AMMECR1: variants seen among roughly 807,000 people sequenced by gnomAD.
The protein encoded by AMMECR1 is nuclear protein AMMECR1.
A neutral mutation model predicts 22.5 loss-of-function variants in AMMECR1; 3 were observed. That is an observed-to-expected ratio of 0.13 (90% CI 0.06 to 0.35). AMMECR1 has a LOEUF of 0.35. Among genes scored for constraint, AMMECR1 ranks in the 10% least tolerant of loss-of-function variants. The pLI is 1.00. For synonymous variants in AMMECR1, 130 were observed against 116.7 expected (o/e 1.11, Z -0.74); for missense variants, 235 against 278.7 (o/e 0.84, Z 1.12).
At chrX:110,257,017 TC>T (rs2067714336) in intron 2 of AMMECR1, among the ~76,000 whole-genome samples, 1 of 111,731 alleles carries the variant, frequency 9.0e-6, no homozygotes, top group African/African-American at 3.2e-5. Flanking sequence ...AAATCTGTCC[TC>T]CTGTTCATTC....
In AMMECR1 at chrX:110,194,874, A is replaced by C. The variant is rs1350986184; in HGVS notation, c.*3646T>G. ...ATCGAGAGGCACACAACGGGTTTCC[A>C]CTTTTAAAAAATAAAAGGAAAGTCA... On this transcript the variant is annotated 3_prime_UTR_variant, in exon 6 of 6. Transcript: ENST00000262844. 8.9e-6 allele frequency: 1 copy of C among 112,515 alleles called. No homozygotes were observed. Among genetic ancestry groups the C allele is most frequent in the Non-Finnish European group, 1.9e-5 (1 of 53,293 alleles). 9.3% of individuals were successfully genotyped at this position (112,515 alleles called of 1,213,427 possible). A position where few individuals can be genotyped will look rare whatever the true frequency, so the allele number is the denominator to read the frequency against.
intron 5 of AMMECR1, among the ~76,000 whole-genome samples, chrX:110,200,206 C>T (rs1213212955): frequency 1.8e-5 from 2 of 110,781 alleles, no homozygotes; most frequent in Non-Finnish European, 3.8e-5. Context: ...TCTTAGAATT[C>T]CTCTTTCCCT....
chrX:110,337,910 G>T (rs2068147189), intron 2 of AMMECR1, among the ~76,000 whole-genome samples: 1 of 112,416 alleles, frequency 8.9e-6, no homozygotes, highest in Non-Finnish European at 1.9e-5. Flanking sequence ...TCTGCAATAT[G>T]CTACAGCATG....
At chrX:110,206,629 T>C (rs992336284) in intron 3 of AMMECR1, among the ~76,000 whole-genome samples, 1 of 112,141 alleles carries the variant, frequency 8.9e-6, no homozygotes, top group African/African-American at 3.2e-5. Context: ...TCTGGCTAAG[T>C]TGAGTAGCCT....
At position 110,234,567 on chromosome X, in the gene AMMECR1, T is replaced by G. The variant is rs1384252110; in HGVS notation, c.585-17935A>C. Among the ~76,000 whole-genome samples, 4 of 112,057 alleles carry G rather than the reference T, an allele frequency of 3.6e-5. No homozygotes were observed. The East Asian group carries it at 1.1e-3, about 31-fold the overall frequency. ...ACAAAGCTGGAGGCATCACACTTCC[T>G]GACTTCAAACTATACTGCAAGGCTA... On this transcript the variant is annotated intron_variant, in intron 2 of 5. Coordinates refer to ENST00000262844, the MANE Select transcript of AMMECR1 (RefSeq NM_015365.3).
chrX:110,387,712 G>T (rs1470935693), intron 2 of AMMECR1, among the ~76,000 whole-genome samples: 1 of 111,537 alleles, frequency 9.0e-6, no homozygotes, highest in Admixed American at 9.5e-5. Flanking sequence ...TAAAACCCAT[G>T]TTCTCTACTT....
intron 1 of AMMECR1, among the ~76,000 whole-genome samples, chrX:110,310,457 T>C (rs2068018854): frequency 8.9e-6 from 1 of 111,880 alleles, no homozygotes; most frequent in Non-Finnish European, 1.9e-5. Flanking sequence ...TCCAGCTATC[T>C]TTATATTTGA....
intron 2 of AMMECR1, among the ~76,000 whole-genome samples, chrX:110,409,088 C>T (rs777724073): frequency 9.0e-6 from 1 of 111,548 alleles, no homozygotes; most frequent in African/African-American, 3.3e-5. Flanking sequence ...AACTGAGGTG[C>T]TTATAAATAA....
At chrX:110,203,563 C>T (rs1020261365) in intron 3 of AMMECR1, among the ~76,000 whole-genome samples, 1 of 111,243 alleles carries the variant, frequency 9.0e-6, no homozygotes, top group African/African-American at 3.3e-5. Flanking sequence ...TGCCTCAGAT[C>T]AATGGTTCCC....
At chrX:110,368,279 G>A (rs996980575) in intron 2 of AMMECR1, among the ~76,000 whole-genome samples, 2 of 110,571 alleles carry the variant, frequency 1.8e-5, no homozygotes, top group Admixed American at 9.7e-5. Context: ...AAAACCGTCC[G>A]TGGCCTTTTA....
chrX:110,241,270 CA>C (rs1295987929), intron 2 of AMMECR1, among the ~76,000 whole-genome samples: 4 of 108,058 alleles, frequency 3.7e-5, no homozygotes, highest in South Asian at 4.0e-4. Flanking sequence ...AAAAACTCTT[CA>C]AAAAAAAATC....
In AMMECR1 at chrX:110,282,625, A is replaced by G. The variant is rs139174867; in HGVS notation, c.474-18026T>C. Among the ~76,000 whole-genome samples, 126 of 111,911 alleles carry G rather than the reference A, an allele frequency of 1.1e-3. 2 individuals carry two copies. The East Asian group carries it at 0.032, about 28-fold the overall frequency. ...TTTCCTTTCTTGGATACCTTGAAGA[A>G]GTAGGGATACTCTGAGATTATCATT... On this transcript the variant is annotated intron_variant, in intron 1 of 5. Coordinates refer to ENST00000262844, the MANE Select transcript of AMMECR1 (RefSeq NM_015365.3).
chrX:110,327,889 G>C (rs1442717648), intron 2 of AMMECR1, among the ~76,000 whole-genome samples: 1 of 111,476 alleles, frequency 9.0e-6, no homozygotes, highest in Non-Finnish European at 1.9e-5. Context: ...TTCTCTTCTA[G>C]TCTCATAAAT....
chrX:110,403,260 G>C (rs190272694), intron 2 of AMMECR1, among the ~76,000 whole-genome samples: 1 of 112,199 alleles, frequency 8.9e-6, no homozygotes, highest in Non-Finnish European at 1.9e-5. Context: ...TACAAAATTT[G>C]TGGGCATATT....
At chrX:110,403,792 C>G (rs1452661277) in intron 2 of AMMECR1, among the ~76,000 whole-genome samples, 1 of 112,458 alleles carries the variant, frequency 8.9e-6, no homozygotes, top group Non-Finnish European at 1.9e-5. Flanking sequence ...TGTGTTTTTG[C>G]TCCAGAAATA....
In AMMECR1 at chrX:110,240,465, A is replaced by G. The variant is rs1602815762; in HGVS notation, c.585-23833T>C. 2.9e-5 allele frequency among the ~76,000 whole-genome samples: 3 copies of G among 105,013 alleles called. No individual in the cohort carries two copies. In the Admixed American group the frequency reaches 3.1e-4, roughly 11 times the overall value. 91.2% of individuals were successfully genotyped at this position (105,013 alleles called of 115,157 possible). On this transcript the variant is annotated intron_variant, in intron 2 of 5. Transcript: ENST00000262844. ...AACAGACTTTAAACCAACAAAGATT[A>G]AAAAAAAAAGACAAATAAGGGCATT...
rs1443887136 is a variant in AMMECR1, at chrX:110,318,036, T to C, written c.36A>G (p.Lys12=). The change falls in exon 1 of 6, where the codon AAA becomes AAG. Residue 12 remains lysine (K), a synonymous_variant. Transcript: ENST00000262844. The stretch of plus-strand genomic sequence containing the variant: ...AGCCAGAGGGGGGCGAACTGGACAG[T>C]TTCTGCTTCTTCACCCCGCAGCAAC... ...AAGCCGVKKQ[K]LSSSPPSGSG... is the part of the protein sequence containing the mutation. 2 of 1,204,286 alleles carry C rather than the reference T, an allele frequency of 1.7e-6. No individual in the cohort carries two copies. Among genetic ancestry groups the C allele is most frequent in the South Asian group, 1.8e-5 (1 of 55,756 alleles).
At chrX:110,439,207 C>T (rs1382947547) in intron 1 of AMMECR1, among the ~76,000 whole-genome samples, 4 of 111,784 alleles carry the variant, frequency 3.6e-5, no homozygotes, top group South Asian at 3.8e-4. Context: ...ACTGACAAGC[C>T]GGCCAGAGAC....
chrX:110,204,714 T>C (rs1320014119), intron 3 of AMMECR1, among the ~76,000 whole-genome samples: 1 of 111,721 alleles, frequency 9.0e-6, no homozygotes, highest in Non-Finnish European at 1.9e-5. Flanking sequence ...AATTTAATAA[T>C]TAAAAGAAGT....
Sources: gnomAD v4.1 joint callset for allele counts (sites outside exome capture counted in the v4.1 genomes callset) on GRCh38, gnomAD v4.1.1 for gene constraint, MANE v1.5 for transcripts, NCBI Gene and HGNC (gene_info 2026-07-23, HGNC 2026-07-21) for gene names.